Variants in TMEM132E observed in about 807,000 individuals in gnomAD.
TMEM132E encodes transmembrane protein 132E.
In TMEM132E, 49 loss-of-function variants were observed where a neutral mutation model predicts 78.5. The observed-to-expected ratio is 0.62, with a 90% CI of 0.50 to 0.79. The LOEUF (loss-of-function observed/expected upper bound fraction) is 0.79, where lower values mean the gene tolerates loss of function less well. TMEM132E is among the 30% of genes least tolerant of loss of function. TMEM132E has a pLI of 0.00. For missense variants in TMEM132E, 1,403 were observed against 1,470.9 expected (o/e 0.95, Z 0.75); for synonymous variants, 715 against 670.6 (o/e 1.07, Z -1.02).
At chr17:34,581,182 A>C in intron 1 of TMEM132E, 39 bp downstream of exon 1, 1 of 1,484,994 alleles carries the variant, frequency 6.7e-7, no homozygotes, top group Non-Finnish European at 8.9e-7. Context: ...AGGATGCGGC[A>C]GGCGCCACTG....
intron 1 of TMEM132E, among the ~76,000 whole-genome samples, chr17:34,613,211 A>ACACACACGCG: frequency 0.053 from 6,069 of 115,522 alleles, 312 homozygotes; most frequent in Non-Finnish European, 0.077. Flanking sequence ...ACACACACAC[A>ACACACACGCG]CGCGCGCGCG....
intron 2 of TMEM132E, 136 bp downstream of exon 2, chr17:34,627,193 C>T (rs1567719928): frequency 7.0e-6 from 7 of 994,128 alleles, no homozygotes; most frequent in Middle Eastern, 2.5e-4. Flanking sequence ...GGATCTGTCA[C>T]TTAGCACTTG....
chr17:34,602,923 G>A (rs761573467), intron 1 of TMEM132E, among the ~76,000 whole-genome samples: 5 of 152,198 alleles, frequency 3.3e-5, no homozygotes, highest in Non-Finnish European at 7.3e-5. Flanking sequence ...ATTGCAAAGA[G>A]AGATGCCAGT....
intron 3 of TMEM132E, 45 bp downstream of exon 3, chr17:34,628,754 C>A: frequency 6.5e-7 from 1 of 1,529,082 alleles, no homozygotes; most frequent in Non-Finnish European, 8.8e-7. Flanking sequence ...GCAAAGCAGC[C>A]ATCTGAGAGG....
At chr17:34,585,290 T>A (rs1175697807) in intron 1 of TMEM132E, among the ~76,000 whole-genome samples, 2 of 152,144 alleles carry the variant, frequency 1.3e-5, no homozygotes, top group Non-Finnish European at 2.9e-5. Flanking sequence ...GACTTGGGTG[T>A]CTCCTAGGCC....
intron 1 of TMEM132E, among the ~76,000 whole-genome samples, chr17:34,613,898 C>A (rs1037280314): frequency 3.3e-5 from 5 of 152,180 alleles, no homozygotes; most frequent in Admixed American, 1.3e-4. Flanking sequence ...CCCTGACACT[C>A]CCCGCCCCCA....
intron 1 of TMEM132E, among the ~76,000 whole-genome samples, chr17:34,597,528 G>A (rs180786027): frequency 6.6e-6 from 1 of 152,304 alleles, no homozygotes; most frequent in East Asian, 1.9e-4. Context: ...GACTGGATAT[G>A]TGTCCTTCTG....
chr17:34,634,199 C>A (rs117778195), intron 6 of TMEM132E, among the ~76,000 whole-genome samples: 4 of 152,212 alleles, frequency 2.6e-5, no homozygotes, highest in African/African-American at 7.2e-5. Context: ...TTTTTTGCAA[C>A]GTGCACAGGC....
At chr17:34,584,519 G>T (rs1905598933) in intron 1 of TMEM132E, among the ~76,000 whole-genome samples, 1 of 152,196 alleles carries the variant, frequency 6.6e-6, no homozygotes, top group South Asian at 2.1e-4. Context: ...ATGCTTACCT[G>T]TGCAATCCTC....
intron 1 of TMEM132E, among the ~76,000 whole-genome samples, chr17:34,603,799 A>T (rs1331965104): frequency 1.3e-5 from 2 of 152,088 alleles, no homozygotes; most frequent in Non-Finnish European, 2.9e-5. Flanking sequence ...ATCCCTGGCC[A>T]TCTCAGCCAT....
At chr17:34,633,894 G>A (rs908293289) in intron 6 of TMEM132E, among the ~76,000 whole-genome samples, 2 of 152,232 alleles carry the variant, frequency 1.3e-5, no homozygotes, top group Non-Finnish European at 2.9e-5. Flanking sequence ...TCTGAAGCCA[G>A]ACAGCCTGGT....
chr17:34,598,341 C>T (rs1286227637), intron 1 of TMEM132E, among the ~76,000 whole-genome samples: 1 of 152,120 alleles, frequency 6.6e-6, no homozygotes, highest in African/African-American at 2.4e-5. Context: ...GGAGACATGG[C>T]ACAGTGGGGG....
chr17:34,603,461 A>T (rs1906308074), intron 1 of TMEM132E, among the ~76,000 whole-genome samples: 1 of 152,174 alleles, frequency 6.6e-6, no homozygotes, highest in African/African-American at 2.4e-5. Flanking sequence ...TCCCAGGCTC[A>T]ACTGAGCACT....
intron 2 of TMEM132E, 134 bp from the exon 3 acceptor site, chr17:34,628,419 CATTCATCTGA>C: frequency 1.0e-6 from 1 of 952,416 alleles, no homozygotes; most frequent in African/African-American, 1.8e-5. Flanking sequence ...TCATCTGAAA[CATTCATCTGA>C]AACATCCAGG....
Position 34,632,902 on chromosome 17 carries a change from G to A in TMEM132E, c.1681G>A (p.Asp561Asn), listed in dbSNP as rs765080075. 1.3e-5 allele frequency: 21 copies of A among 1,613,880 alleles called. No homozygotes were observed. Among genetic ancestry groups the A allele is most frequent in the African/African-American group, 6.7e-5 (5 of 74,922 alleles). ...GGGCTGGAGGGTACCTATCCTCCCC[G>A]ACCGGAGGTACAGCCCCTCTCCCAT... ...VKGWRVPILP[D>N]RRSVRESEDE... Residue 561 changes from aspartate (D) to asparagine (N), a missense_variant, in exon 6 of 9, where the codon GAC becomes AAC. By Grantham distance (23) the Asp-to-Asn change is conservative. Around this residue, in one of 3 missense-constraint regions of TMEM132E, gnomAD observed 888 missense variants for 952.8 expected, o/e 0.93. Transcript: ENST00000631683.
At position 34,626,392 on chromosome 17, in the gene TMEM132E, C is replaced by T. The variant is rs1907126775; in HGVS notation, c.333C>T (p.Ser111=). The stretch of plus-strand genomic sequence containing the variant: ...TGGCGCGGGAGCTCCTGCAGCCGTC[C>T]AGCACCCTGGACATCCCCGAGCGCC... The part of the protein sequence containing the change: ...QVVARELLQP[S]STLDIPERLT... Residue 111 remains serine (S), a synonymous_variant, in exon 2 of 9, where the codon TCC becomes TCT. Coordinates refer to ENST00000631683, the MANE Select transcript of TMEM132E (RefSeq NM_001304438.2). 6.2e-7 allele frequency: 1 copy of T among 1,613,310 alleles called. No homozygotes were observed. Among genetic ancestry groups the T allele is most frequent in the South Asian group, 1.1e-5 (1 of 91,000 alleles).
intron 1 of TMEM132E, among the ~76,000 whole-genome samples, chr17:34,585,901 A>G (rs572008419): frequency 6.6e-6 from 1 of 152,354 alleles, no homozygotes; most frequent in South Asian, 2.1e-4. Context: ...GCAGTTTGAA[A>G]TCACACAGTC....
At chr17:34,588,186 C>G (rs1905744148) in intron 1 of TMEM132E, among the ~76,000 whole-genome samples, 1 of 152,218 alleles carries the variant, frequency 6.6e-6, no homozygotes, top group Non-Finnish European at 1.5e-5. Flanking sequence ...CACTCACACT[C>G]TTCCACTCCA....
chr17:34,589,983 A>G (rs1261255124), intron 1 of TMEM132E, among the ~76,000 whole-genome samples: 1 of 152,228 alleles, frequency 6.6e-6, no homozygotes, highest in African/African-American at 2.4e-5. Context: ...CGGCAGGATA[A>G]AAACTGCCAT....
Sources: allele counts gnomAD v4.1 joint callset (sites outside exome capture counted in the v4.1 genomes callset), GRCh38; gene constraint gnomAD v4.1.1; regional missense constraint gnomAD v4.1.1; transcripts MANE v1.5; gene names NCBI Gene and HGNC (gene_info 2026-07-23, HGNC 2026-07-21).